The following HIGD1C variants were observed in gnomAD, a reference collection of about 807,000 sequenced individuals.
HIGD1C encodes HIG1 hypoxia inducible domain family member 1C.
In HIGD1C, 11 loss-of-function variants were observed where a neutral mutation model predicts 13.1. The observed-to-expected ratio is 0.84, with a 90% CI of 0.53 to 1.39. HIGD1C has a LOEUF of 1.39. HIGD1C is among the 40% of genes most tolerant of loss of function. The pLI, the probability that HIGD1C is intolerant of heterozygous loss-of-function variation, is 0.00. For missense variants in HIGD1C, 110 were observed against 112.0 expected, an observed-to-expected ratio of 0.98 and a Z score of 0.08; for synonymous variants, 36 against 37.7, an observed-to-expected ratio of 0.95 and a Z score of 0.17.
chr12:50,961,886 G>A (rs576258970), intron 2 of HIGD1C, among the ~76,000 whole-genome samples: 17 of 152,268 alleles, frequency 1.1e-4, no homozygotes, highest in African/African-American at 4.1e-4. Flanking sequence ...ACTGTGAGCT[G>A]TAATGTGCTC....
intron 2 of HIGD1C, among the ~76,000 whole-genome samples, chr12:50,961,409 A>G (rs1387143380): frequency 6.6e-6 from 1 of 152,196 alleles, no homozygotes; most frequent in Non-Finnish European, 1.5e-5. Flanking sequence ...TGGATAGATC[A>G]CAGCCTATAT....
chr12:50,963,389 A>AAAAG (rs1939420256), intron 2 of HIGD1C, among the ~76,000 whole-genome samples: 2 of 134,502 alleles, frequency 1.5e-5, no homozygotes, highest in African/African-American at 2.9e-5. Context: ...AAAAAAAAAA[A>AAAAG]AAAAGAAAAG....
chr12:50,934,773 G>A, the HIGD1C span, among the ~76,000 whole-genome samples: 1 of 152,316 alleles, frequency 6.6e-6, no homozygotes. Context: ...GGAAATGAAA[G>A]AAACCAGACA....
chr12:50,941,950 G>A, the HIGD1C span, among the ~76,000 whole-genome samples: 2 of 152,250 alleles, frequency 1.3e-5, no homozygotes, highest in East Asian at 1.9e-4. Context: ...GTGCAGTGGT[G>A]CAATCTCGGC....
At chr12:50,936,187 C>T in the HIGD1C span, among the ~76,000 whole-genome samples, 1 of 151,738 alleles carries the variant, frequency 6.6e-6, no homozygotes, top group Non-Finnish European at 1.5e-5. Flanking sequence ...GTACCTCACA[C>T]TGATGTCAAT....
downstream of HIGD1C, among the ~76,000 whole-genome samples, chr12:50,972,186 A>G (rs1939779021): frequency 6.6e-6 from 1 of 152,244 alleles, no homozygotes; most frequent in Admixed American, 6.5e-5. Context: ...TAACCAGGCC[A>G]CTGGAAATAT....
the HIGD1C span, among the ~76,000 whole-genome samples, chr12:50,932,791 A>G: frequency 6.6e-6 from 1 of 152,236 alleles, no homozygotes; most frequent in Non-Finnish European, 1.5e-5. Context: ...AGCAGAAAGA[A>G]AGGAAGCTTT....
upstream of HIGD1C, among the ~76,000 whole-genome samples, chr12:50,952,677 G>T (rs1233903950): frequency 1.3e-5 from 2 of 152,162 alleles, no homozygotes; most frequent in African/African-American, 4.8e-5. Context: ...GCAGCTCGAG[G>T]CTTTGCAGGA....
At chr12:50,949,963 A>G (rs1273780970), upstream of HIGD1C, among the ~76,000 whole-genome samples, 1 of 152,200 alleles carries the variant, frequency 6.6e-6, no homozygotes, top group Non-Finnish European at 1.5e-5. Flanking sequence ...TTTATAATCA[A>G]TCACGGTTTC....
chr12:50,937,770 C>T, the HIGD1C span, among the ~76,000 whole-genome samples: 1 of 152,132 alleles, frequency 6.6e-6, no homozygotes, highest in Non-Finnish European at 1.5e-5. Flanking sequence ...GACATCCCAT[C>T]AAGCATGCAG....
chr12:50,942,116 A>G, the HIGD1C span, among the ~76,000 whole-genome samples: 4 of 152,062 alleles, frequency 2.6e-5, no homozygotes, highest in Non-Finnish European at 2.9e-5. Context: ...TCCTGAGCTC[A>G]AGCAATCCGC....
At chr12:50,956,573 C>T (rs2139790822) in intron 1 of HIGD1C, among the ~76,000 whole-genome samples, 1 of 152,248 alleles carries the variant, frequency 6.6e-6, no homozygotes, top group Middle Eastern at 3.4e-3. Context: ...CTGTTCAAAT[C>T]ATCTTACAAT....
At chr12:50,971,762 CT>C (rs1263972734), downstream of HIGD1C, among the ~76,000 whole-genome samples, 2 of 152,226 alleles carry the variant, frequency 1.3e-5, no homozygotes, top group Non-Finnish European at 2.9e-5. Flanking sequence ...CTGGTGGGTA[CT>C]TCCTTTTCCT....
rs574027797 is a variant in HIGD1C at position 50,959,080 on chromosome 12, T to C, written c.95-1888T>C. ...TGTGCAAATGTTTTCTTACTGTGCA[T>C]TTTGTCCTTGTCATATTCTATTACA... On this transcript the variant is annotated intron_variant, in intron 1 of 2. Transcript: ENST00000398455. Among the ~76,000 whole-genome samples, 22 of 152,256 alleles carry C rather than the reference T, an allele frequency of 1.4e-4. No homozygotes were observed. The East Asian group carries it at 4.3e-3, about 29-fold the overall frequency.
chr12:50,942,300 T>C, the HIGD1C span, among the ~76,000 whole-genome samples: 2 of 152,218 alleles, frequency 1.3e-5, no homozygotes, highest in Non-Finnish European at 2.9e-5. Context: ...AAACCATTTC[T>C]GTTACTGGAA....
chr12:50,943,636 G>C, the HIGD1C span, among the ~76,000 whole-genome samples: 24 of 151,868 alleles, frequency 1.6e-4, no homozygotes, highest in East Asian at 4.5e-3. Flanking sequence ...TGTGAACCCT[G>C]GGGGCGGAGC....
downstream of HIGD1C, among the ~76,000 whole-genome samples, chr12:50,971,659 T>C (rs1939764683): frequency 6.6e-6 from 1 of 152,174 alleles, no homozygotes; most frequent in Non-Finnish European, 1.5e-5. Flanking sequence ...ATAACTGCCT[T>C]GACTTAAGCT....
chr12:50,940,684 C>G, the HIGD1C span, among the ~76,000 whole-genome samples: 1 of 148,984 alleles, frequency 6.7e-6, no homozygotes, highest in Non-Finnish European at 1.5e-5. Flanking sequence ...GATTGCACCA[C>G]TGCAATCCAG....
chr12:50,955,820 A>T (rs1440320944), intron 1 of HIGD1C, among the ~76,000 whole-genome samples: 1 of 152,214 alleles, frequency 6.6e-6, no homozygotes, highest in Non-Finnish European at 1.5e-5. Flanking sequence ...CACTATAATG[A>T]ACAGAAATTA....
Sources: gnomAD v4.1 joint callset for allele counts (sites outside exome capture counted in the v4.1 genomes callset) on GRCh38, gnomAD v4.1.1 for gene constraint, MANE v1.5 for transcripts, NCBI Gene and HGNC (gene_info 2026-07-23, HGNC 2026-07-21) for gene names.